SHANK2: variants seen among roughly 807,000 people sequenced by gnomAD.
SHANK2 encodes SH3 and multiple ankyrin repeat domains protein 2.
In SHANK2, 43 loss-of-function variants were observed where a neutral mutation model predicts 133.7. The ratio of observed to expected loss-of-function variants is 0.32; its 90% CI spans 0.25 to 0.41. The LOEUF (loss-of-function observed/expected upper bound fraction) is 0.41. Among genes scored for constraint, SHANK2 ranks in the 10% least tolerant of loss-of-function variants. SHANK2 has a pLI of 1.00. For missense variants in SHANK2, 1,994 were observed against 2,235.8 expected, an observed-to-expected ratio of 0.89 and a Z score of 2.18; for synonymous variants, 1,017 against 952.8, an observed-to-expected ratio of 1.07 and a Z score of -1.24.
intron 14 of SHANK2, among the ~76,000 whole-genome samples, chr11:70,699,974 T>C (rs913185400): frequency 2.0e-5 from 3 of 152,226 alleles, no homozygotes; most frequent in Admixed American, 6.5e-5. Flanking sequence ...CTCTGTCTTC[T>C]TGCTTCTGCC....
intron 22 of SHANK2, among the ~76,000 whole-genome samples, chr11:70,490,811 G>A (rs1555155673): frequency 6.6e-6 from 1 of 151,696 alleles, no homozygotes; most frequent in Non-Finnish European, 1.5e-5. Flanking sequence ...TGACCATCAA[G>A]TCCTTACATA....
At chr11:71,211,799 G>C (rs1443954659) in intron 2 of SHANK2, among the ~76,000 whole-genome samples, 2 of 152,096 alleles carry the variant, frequency 1.3e-5, no homozygotes, top group Non-Finnish European at 2.9e-5. Context: ...CATGATGTAT[G>C]GTGAGTCAAT....
Position 70,470,307 on chromosome 11 carries a change from C to T in SHANK2, c.*2562G>A, listed in dbSNP as rs1555148155. ...TGTTATCAGCTCTTTAGTCTTGCAG[C>T]CAGCTTGCTTGTGGTTAGTGGCATG... is the stretch of plus-strand genomic sequence containing the variant. On this transcript the variant is annotated 3_prime_UTR_variant, in exon 26 of 26. Transcript: ENST00000601538. 1.3e-5 allele frequency: 2 copies of T among 152,254 alleles called. No individual in the cohort carries two copies. The highest frequency in any genetic ancestry group is 4.8e-5 in the African/African-American group (2 of 41,444). The allele number at this position is 152,254 out of a possible 1,614,324, so 9.4% of individuals were successfully genotyped here. A position where few individuals can be genotyped will look rare whatever the true frequency, so the allele number is the denominator to read the frequency against.
In SHANK2 at chr11:71,162,387, G is replaced by A. The variant is rs1440716179; in HGVS notation, c.-12-15049C>T. 1.3e-4 allele frequency among the ~76,000 whole-genome samples: 20 copies of A among 151,052 alleles called. 1 individual carries two copies. In the East Asian group the frequency reaches 3.7e-3, roughly 28 times the overall value. On this transcript the variant is annotated intron_variant, in intron 2 of 25. Coordinates refer to ENST00000601538, the MANE Select transcript of SHANK2 (RefSeq NM_012309.5). ...CCCATCATGGGGACCCCATGCTGAC[G>A]ACCTTATTTAATCCCAATTACCTCC... is the stretch of plus-strand genomic sequence containing the variant.
chr11:70,938,661 G>A (rs532477350), intron 10 of SHANK2, among the ~76,000 whole-genome samples: 2 of 152,318 alleles, frequency 1.3e-5, no homozygotes, highest in Admixed American at 1.3e-4. Context: ...AGATGATAAA[G>A]AGCCCAGAAG....
chr11:70,806,517 G>A (rs1590703592), intron 13 of SHANK2, among the ~76,000 whole-genome samples: 1 of 152,216 alleles, frequency 6.6e-6, no homozygotes, highest in Non-Finnish European at 1.5e-5. Context: ...GGCCCCCCCA[G>A]AGGCTTCTCA....
chr11:71,171,384 C>T (rs1230484200), intron 2 of SHANK2, among the ~76,000 whole-genome samples: 7 of 152,174 alleles, frequency 4.6e-5, no homozygotes, highest in Admixed American at 1.3e-4. Flanking sequence ...CCAGAGCACC[C>T]GAGGGGAAGC....
intron 15 of SHANK2, among the ~76,000 whole-genome samples, chr11:70,677,582 C>A (rs1022411272): frequency 6.6e-6 from 1 of 152,304 alleles, no homozygotes; most frequent in Middle Eastern, 3.4e-3. Context: ...CCCTGGACAA[C>A]CCTGCTCATT....
At chr11:70,697,712 AGG>A (rs1329007607) in intron 15 of SHANK2, among the ~76,000 whole-genome samples, 31 of 152,352 alleles carry the variant, frequency 2.0e-4, no homozygotes, top group Admixed American at 1.1e-3. Context: ...AGTCGAGTGC[AGG>A]GGTCTGGGCT....
chr11:71,137,292 C>A, intron 3 of SHANK2, among the ~76,000 whole-genome samples: 4 of 108,288 alleles, frequency 3.7e-5, no homozygotes, highest in South Asian at 3.4e-4. Context: ...GTATTAAAAT[C>A]CTTACTTAAA....
At chr11:70,478,995 G>T (rs1197830755) in intron 25 of SHANK2, among the ~76,000 whole-genome samples, 1 of 152,154 alleles carries the variant, frequency 6.6e-6, no homozygotes, top group Non-Finnish European at 1.5e-5. Flanking sequence ...ATATGCTTTT[G>T]CCAAAAGGGC....
chr11:70,641,241 G>GCC (rs2061176552), intron 17 of SHANK2, among the ~76,000 whole-genome samples: 1 of 151,896 alleles, frequency 6.6e-6, no homozygotes, highest in Non-Finnish European at 1.5e-5. Flanking sequence ...GACTACAGGC[G>GCC]CATGCCACCA....
At chr11:71,119,486 A>G (rs1184843600) in intron 3 of SHANK2, among the ~76,000 whole-genome samples, 1 of 151,210 alleles carries the variant, frequency 6.6e-6, no homozygotes, top group Non-Finnish European at 1.5e-5. Context: ...AGGCTGAGGC[A>G]GGAGAATCGC....
chr11:70,904,399 T>G (rs1590816133), intron 10 of SHANK2, among the ~76,000 whole-genome samples: 1 of 152,208 alleles, frequency 6.6e-6, no homozygotes, highest in East Asian at 1.9e-4. Flanking sequence ...CTGAGGAACT[T>G]AAAGACCAAC....
rs547212571 is a variant in SHANK2 at position 70,922,167 on chromosome 11, G to A, written c.1108-25600C>T. Among the ~76,000 whole-genome samples the A allele has an allele frequency of 1.1e-3, 164 of 152,212 alleles. 1 individual carries two copies. The highest frequency in any genetic ancestry group is 1.9e-3 in the Non-Finnish European group (130 of 68,018). ...GGACCTCAAAGGTAGGCTTAAGATC[G>A]GATTACATGTAGGAGATGGATAAGG... is the stretch of plus-strand genomic sequence containing the variant. On this transcript the variant is annotated intron_variant, in intron 10 of 25. Transcript: ENST00000601538.
At chr11:71,232,051 G>C (rs1433484544) in intron 1 of SHANK2, among the ~76,000 whole-genome samples, 1 of 152,144 alleles carries the variant, frequency 6.6e-6, no homozygotes, top group Non-Finnish European at 1.5e-5. Flanking sequence ...AAAAAGGGAA[G>C]AACTCTTGAT....
Position 70,688,704 on chromosome 11 carries a change from A to G in SHANK2, c.1853+9984T>C, listed in dbSNP as rs1323463579. On this transcript the variant is annotated intron_variant, in intron 15 of 25. Transcript: ENST00000601538. Reference sequence around the variant, plus strand: ...CTTGTCATGGGGCTGGCAGGTGGAGAGGCTGGGAGGGAACACGGGCTTGTC... The same window carrying G: ...CTTGTCATGGGGCTGGCAGGTGGAGGGGCTGGGAGGGAACACGGGCTTGTC... Among the ~76,000 whole-genome samples the G allele has an allele frequency of 2.6e-4, 39 of 152,148 alleles. 3 individuals are homozygous for G. Among genetic ancestry groups the G allele is most frequent in the Admixed American group, 2.6e-3 (39 of 15,284 alleles).
At chr11:70,477,118 G>A (rs533671759) in intron 25 of SHANK2, among the ~76,000 whole-genome samples, 69 of 152,250 alleles carry the variant, frequency 4.5e-4, no homozygotes, top group African/African-American at 1.4e-3. Flanking sequence ...TGGCACACAC[G>A]GGGTCACGCA....
At chr11:71,167,334 G>A (rs1386348613) in intron 2 of SHANK2, among the ~76,000 whole-genome samples, 2 of 152,082 alleles carry the variant, frequency 1.3e-5, no homozygotes, top group Non-Finnish European at 2.9e-5. Context: ...TGGCCGGGCA[G>A]AGGGGCTCAC....
Sources: gnomAD v4.1 joint callset for allele counts (sites outside exome capture counted in the v4.1 genomes callset) on GRCh38, gnomAD v4.1.1 for gene constraint, MANE v1.5 for transcripts, NCBI Gene and HGNC (gene_info 2026-07-23, HGNC 2026-07-21) for gene names.